The following ZFHX3 variants were observed in gnomAD, a reference collection of about 807,000 sequenced individuals.
ZFHX3 encodes the protein zinc finger homeobox 3.
In ZFHX3, 42 loss-of-function variants were observed where a neutral mutation model predicts 279.1. That is an observed-to-expected ratio of 0.15 (90% confidence interval 0.12 to 0.19). The LOEUF (loss-of-function observed/expected upper bound fraction) is 0.19. ZFHX3 is among the 10% of genes least tolerant of loss of function. The pLI, the probability that ZFHX3 is intolerant of heterozygous loss-of-function variation, is 1.00. For synonymous variants in ZFHX3, 2,293 were observed against 1,957.8 expected, an observed-to-expected ratio of 1.17 and a Z score of -4.52; for missense variants, 4,981 against 4,754.0, an observed-to-expected ratio of 1.05 and a Z score of -1.40.
At chr16:73,147,317 C>T (rs747463573) in intron 5 of ZFHX3, among the ~76,000 whole-genome samples, 2 of 152,318 alleles carry the variant, frequency 1.3e-5, no homozygotes, top group African/African-American at 2.4e-5. Context: ...CAAAACACAG[C>T]AGTTTCCTTT....
intron 3 of ZFHX3, among the ~76,000 whole-genome samples, chr16:73,377,203 C>A (rs1189557604): frequency 2.0e-5 from 3 of 152,062 alleles, no homozygotes; most frequent in Non-Finnish European, 2.9e-5. Flanking sequence ...AACTCCTGAC[C>A]TCAAGTGATC....
intron 1 of ZFHX3, among the ~76,000 whole-genome samples, chr16:72,993,866 G>A (rs1267027174): frequency 6.6e-6 from 1 of 152,100 alleles, no homozygotes; most frequent in East Asian, 1.9e-4. Flanking sequence ...TGTGCTGCCC[G>A]ATCCCCCAAT....
chr16:73,682,099 A>T (rs1387840656), intron 1 of ZFHX3, among the ~76,000 whole-genome samples: 1 of 152,206 alleles, frequency 6.6e-6, no homozygotes, highest in Admixed American at 6.5e-5. Context: ...GCAGTAGTGT[A>T]CTTATTTAGA....
chr16:73,229,175 G>A (rs1002386390), intron 5 of ZFHX3, among the ~76,000 whole-genome samples: 1 of 152,090 alleles, frequency 6.6e-6, no homozygotes, highest in African/African-American at 2.4e-5. Flanking sequence ...CACAAAGAAA[G>A]CCCAACCAAG....
At chr16:73,265,057 T>C (rs1482648602) in intron 4 of ZFHX3, among the ~76,000 whole-genome samples, 1 of 145,958 alleles carries the variant, frequency 6.9e-6, no homozygotes, top group African/African-American at 2.5e-5. Flanking sequence ...ATATATATAA[T>C]AGCACCTCAG....
At chr16:73,633,736 T>C (rs962046811) in intron 2 of ZFHX3, among the ~76,000 whole-genome samples, 3 of 152,122 alleles carry the variant, frequency 2.0e-5, no homozygotes, top group African/African-American at 4.8e-5. Context: ...AAAATGGCTT[T>C]TGAATACGAA....
intron 2 of ZFHX3, among the ~76,000 whole-genome samples, chr16:73,503,786 A>G (rs779281994): frequency 3.9e-5 from 6 of 152,222 alleles, no homozygotes; most frequent in Non-Finnish European, 8.8e-5. Flanking sequence ...TTTCAGACCA[A>G]TGTCAATGGA....
At chr16:73,664,946 T>C (rs2052819927) in intron 2 of ZFHX3, among the ~76,000 whole-genome samples, 3 of 152,208 alleles carry the variant, frequency 2.0e-5, no homozygotes, top group African/African-American at 4.8e-5. Flanking sequence ...GGGATAAACA[T>C]AGTCAGCAGC....
chr16:73,526,315 G>A (rs1351136100), intron 2 of ZFHX3, among the ~76,000 whole-genome samples: 2 of 152,344 alleles, frequency 1.3e-5, no homozygotes, highest in South Asian at 2.1e-4. Flanking sequence ...GGGCCAGTGC[G>A]CTCTAGCAAG....
At chr16:73,652,839 T>C (rs1388853402) in intron 2 of ZFHX3, among the ~76,000 whole-genome samples, 1 of 152,114 alleles carries the variant, frequency 6.6e-6, no homozygotes, top group East Asian at 1.9e-4. Context: ...GAAAAATAAT[T>C]AGAGAATACA....
chr16:73,144,426 G>A (rs577484656), intron 5 of ZFHX3: 1 of 152,292 alleles, frequency 6.6e-6, no homozygotes, highest in East Asian at 1.9e-4. Context: ...ACATTATCTG[G>A]AATCAATATC....
intron 2 of ZFHX3, among the ~76,000 whole-genome samples, chr16:73,488,484 G>A (rs1463821333): frequency 1.3e-5 from 2 of 152,156 alleles, no homozygotes; most frequent in African/African-American, 4.8e-5. Flanking sequence ...GAAACCACAG[G>A]GATATGAAAA....
intron 1 of ZFHX3, among the ~76,000 whole-genome samples, chr16:73,755,549 A>C (rs1343511860): frequency 6.6e-6 from 1 of 152,188 alleles, no homozygotes; most frequent in Non-Finnish European, 1.5e-5. Context: ...AAACCAAACA[A>C]TTCAATTTTT....
chr16:73,156,084 T>G (rs1967074606), intron 5 of ZFHX3, among the ~76,000 whole-genome samples: 1 of 151,120 alleles, frequency 6.6e-6, no homozygotes, highest in South Asian at 2.1e-4. Context: ...TACAAAAAAT[T>G]AGCCGGGTGT....
intron 8 of ZFHX3, chr16:73,093,156 C>T (rs1181901062): frequency 1.9e-6 from 1 of 520,110 alleles, no homozygotes; most frequent in Admixed American, 1.9e-5. Flanking sequence ...AAACCACGAG[C>T]CCTCACCTCC....
At chr16:73,361,065 T>C (rs1322931605) in intron 3 of ZFHX3, among the ~76,000 whole-genome samples, 1 of 152,178 alleles carries the variant, frequency 6.6e-6, no homozygotes, top group Admixed American at 6.5e-5. Flanking sequence ...CTAGGAAAGC[T>C]CATCAAAGCC....
At chr16:72,994,773 G>A (rs1342441769) in intron 1 of ZFHX3, among the ~76,000 whole-genome samples, 2 of 152,206 alleles carry the variant, frequency 1.3e-5, no homozygotes, top group Non-Finnish European at 2.9e-5. Flanking sequence ...GGTTCCTCCT[G>A]ACGGAACAAT....
intron 4 of ZFHX3, among the ~76,000 whole-genome samples, chr16:73,303,179 C>A (rs1199764035): frequency 6.6e-6 from 1 of 152,138 alleles, no homozygotes; most frequent in African/African-American, 2.4e-5. Flanking sequence ...CAGGCACACA[C>A]CACCATGCCT....
At chr16:73,666,652 T>G (rs1463405043) in intron 2 of ZFHX3, among the ~76,000 whole-genome samples, 1 of 151,994 alleles carries the variant, frequency 6.6e-6, no homozygotes, top group Non-Finnish European at 1.5e-5. Flanking sequence ...AAATTCACTC[T>G]TTTTAGTGTA....
Sources: gnomAD v4.1 joint callset for allele counts (sites outside exome capture counted in the v4.1 genomes callset) on GRCh38, gnomAD v4.1.1 for gene constraint, MANE v1.5 for transcripts, NCBI Gene and HGNC (gene_info 2026-07-23, HGNC 2026-07-21) for gene names.